Variants in NKAIN3 observed in about 807,000 individuals in gnomAD.
NKAIN3 encodes sodium/potassium transporting ATPase interacting 3.
NKAIN3 carries 25 observed loss-of-function variants against 30.2 expected under a neutral mutation model. That is an observed-to-expected ratio of 0.83 (90% CI 0.60 to 1.16). The LOEUF (loss-of-function observed/expected upper bound fraction) is 1.16, where lower values mean the gene tolerates loss of function less well. Among genes scored for constraint, NKAIN3 ranks in the 50% most tolerant of loss-of-function variants. The pLI, the probability that NKAIN3 is intolerant of heterozygous loss-of-function variation, is 0.00. For missense variants in NKAIN3, 225 were observed against 254.1 expected (o/e 0.89, Z 0.78); for synonymous variants, 91 against 89.6 (o/e 1.02, Z -0.09).
chr8:62,725,834 T>G (rs1300600732), intron 3 of NKAIN3, among the ~76,000 whole-genome samples: 1 of 152,106 alleles, frequency 6.6e-6, no homozygotes, highest in African/African-American at 2.4e-5. Context: ...CTGTGTATTT[T>G]GTGGTTTCAT....
rs753514918 is a variant in NKAIN3 at position 62,735,919 on chromosome 8, C to T, written c.274-11013C>T. Reference sequence around the variant, plus strand: ...AGTGATTGTTATTTCTCTCCTGGATCTAGGCTCCCAGCAGAGCCTCCTGGG... The same window carrying T: ...AGTGATTGTTATTTCTCTCCTGGATTTAGGCTCCCAGCAGAGCCTCCTGGG... On this transcript the variant is annotated intron_variant, in intron 3 of 6. Transcript: ENST00000623646. Among the ~76,000 whole-genome samples the T allele has an allele frequency of 2.1e-4, 32 of 152,052 alleles. 1 individual carries two copies. The highest frequency in any genetic ancestry group is 4.1e-4 in the Non-Finnish European group (28 of 68,010).
At chr8:62,511,784 T>G (rs566728347) in intron 1 of NKAIN3, among the ~76,000 whole-genome samples, 34 of 152,260 alleles carry the variant, frequency 2.2e-4, no homozygotes, top group African/African-American at 6.7e-4. Context: ...TCCACCTTCA[T>G]CACACTAGCT....
chr8:62,787,635 C>T (rs1817565154), intron 4 of NKAIN3, among the ~76,000 whole-genome samples: 2 of 152,170 alleles, frequency 1.3e-5, no homozygotes, highest in Non-Finnish European at 2.9e-5. Context: ...CCCATTAACT[C>T]ATCATTTAAC....
At chr8:62,796,110 A>G (rs1817852056) in intron 4 of NKAIN3, among the ~76,000 whole-genome samples, 1 of 152,088 alleles carries the variant, frequency 6.6e-6, no homozygotes, top group African/African-American at 2.4e-5. Context: ...TAGGCCAGGC[A>G]GGGTGGCTCA....
chr8:62,393,558 A>T (rs1244928710), intron 1 of NKAIN3, among the ~76,000 whole-genome samples: 6 of 151,784 alleles, frequency 4.0e-5, no homozygotes, highest in Admixed American at 2.0e-4. Context: ...GTTTTTTCTT[A>T]AAAAAATTTT....
intron 3 of NKAIN3, among the ~76,000 whole-genome samples, chr8:62,626,011 C>A (rs1036368598): frequency 4.6e-5 from 7 of 151,972 alleles, no homozygotes; most frequent in Non-Finnish European, 8.8e-5. Context: ...GAATAAAGAC[C>A]ATAGCTTATG....
chr8:62,638,832 G>A (rs1011165055), intron 3 of NKAIN3, among the ~76,000 whole-genome samples: 3 of 152,082 alleles, frequency 2.0e-5, no homozygotes, highest in Non-Finnish European at 2.9e-5. Flanking sequence ...GATAGGTCTT[G>A]TAATCCCAAA....
intron 1 of NKAIN3, among the ~76,000 whole-genome samples, chr8:62,509,467 A>G (rs542243735): frequency 1.3e-5 from 2 of 152,100 alleles, no homozygotes; most frequent in African/African-American, 4.8e-5. Context: ...TCAATGGTGC[A>G]TGTCTCCGAC....
At chr8:62,916,571 C>T (rs1228335294) in intron 4 of NKAIN3, among the ~76,000 whole-genome samples, 1 of 152,062 alleles carries the variant, frequency 6.6e-6, no homozygotes, top group African/African-American at 2.4e-5. Flanking sequence ...CCCTTTGGAT[C>T]ATATTTCAAG....
intron 1 of NKAIN3, among the ~76,000 whole-genome samples, chr8:62,431,105 A>T (rs1428637480): frequency 2.0e-5 from 3 of 151,850 alleles, no homozygotes; most frequent in African/African-American, 4.8e-5. Context: ...TTTTATATTA[A>T]TATTACTTGG....
At chr8:62,263,055 C>A (rs1812492647) in intron 1 of NKAIN3, among the ~76,000 whole-genome samples, 1 of 152,130 alleles carries the variant, frequency 6.6e-6, no homozygotes, top group South Asian at 2.1e-4. Flanking sequence ...TGCATGAATT[C>A]TAATTCCAAA....
chr8:62,317,453 T>G (rs1397537277), intron 1 of NKAIN3, among the ~76,000 whole-genome samples: 1 of 152,212 alleles, frequency 6.6e-6, no homozygotes, highest in Admixed American at 6.5e-5. Context: ...AATTTTTGTA[T>G]AAGGTGTGAG....
At chr8:62,263,847 G>A (rs1039751312) in intron 1 of NKAIN3, among the ~76,000 whole-genome samples, 9 of 152,080 alleles carry the variant, frequency 5.9e-5, no homozygotes, top group South Asian at 4.1e-4. Flanking sequence ...ACCATATTAC[G>A]TATTTATATA....
At chr8:62,530,494 A>G (rs2129835787) in intron 1 of NKAIN3, among the ~76,000 whole-genome samples, 1 of 152,288 alleles carries the variant, frequency 6.6e-6, no homozygotes, top group Non-Finnish European at 1.5e-5. Context: ...TACTTTTGAA[A>G]GCAACACAGA....
Position 62,814,689 on chromosome 8 carries a change from C to A in NKAIN3, c.471+67560C>A, listed in dbSNP as rs558716784. Among the ~76,000 whole-genome samples the A allele has an allele frequency of 4.0e-4, 61 of 152,036 alleles. 1 individual carries two copies. The South Asian group carries it at 9.8e-3, about 24-fold the overall frequency. Reference sequence around the variant, plus strand: ...AGACGTTCTTTGAAACCAACGAGAACAAAGACACAACATACCAGAATCTCT... The same window carrying A: ...AGACGTTCTTTGAAACCAACGAGAAAAAAGACACAACATACCAGAATCTCT... On this transcript the variant is annotated intron_variant, in intron 4 of 6. Coordinates refer to ENST00000623646, the MANE Select transcript of NKAIN3 (RefSeq NM_001304533.3).
intron 1 of NKAIN3, among the ~76,000 whole-genome samples, chr8:62,460,250 A>T (rs1805952032): frequency 6.6e-6 from 1 of 151,984 alleles, no homozygotes; most frequent in Non-Finnish European, 1.5e-5. Context: ...CGTCTCTACT[A>T]AAAATACAAA....
intron 1 of NKAIN3, among the ~76,000 whole-genome samples, chr8:62,477,693 T>C (rs552414251): frequency 6.6e-6 from 1 of 152,076 alleles, no homozygotes; most frequent in Admixed American, 6.5e-5. Flanking sequence ...GAAAATGGAA[T>C]GGAGTAACTC....
intron 3 of NKAIN3, among the ~76,000 whole-genome samples, chr8:62,711,605 T>C (rs551337739): frequency 2.8e-3 from 421 of 152,172 alleles, no homozygotes; most frequent in Admixed American, 4.4e-3. Context: ...TTTTTTTCTT[T>C]AAGCTATCTA....
chr8:62,964,545 T>A (rs140764514), intron 6 of NKAIN3, among the ~76,000 whole-genome samples: 2,778 of 114,014 alleles, frequency 0.024, 36 homozygotes, highest in Middle Eastern at 0.04. Context: ...AGAGTGTGTG[T>A]GTGTGTGTGT....
Sources: gnomAD v4.1 joint callset for allele counts (sites outside exome capture counted in the v4.1 genomes callset) on GRCh38, gnomAD v4.1.1 for gene constraint, MANE v1.5 for transcripts, NCBI Gene and HGNC (gene_info 2026-07-23, HGNC 2026-07-21) for gene names.